SLC35F4: variants seen among roughly 807,000 people sequenced by gnomAD.
The protein encoded by SLC35F4 is chromosome 14 open reading frame 36.
A neutral mutation model predicts 44.2 loss-of-function variants in SLC35F4; 24 were observed. That is an observed-to-expected ratio of 0.54 (90% CI 0.39 to 0.76). The LOEUF is 0.76. Ranked by LOEUF, SLC35F4 falls within the 30% of genes least tolerant of loss-of-function variation. SLC35F4 has a pLI of 0.00. For missense variants in SLC35F4, 562 were observed against 586.1 expected (o/e 0.96, Z 0.42); for synonymous variants, 238 against 223.6 (o/e 1.06, Z -0.57).
intron 1 of SLC35F4, among the ~76,000 whole-genome samples, chr14:57,884,283 T>G (rs540193494): frequency 6.6e-6 from 1 of 152,330 alleles, no homozygotes; most frequent in South Asian, 2.1e-4. Flanking sequence ...TTTCGTCATA[T>G]AAGTAATCAC....
intron 1 of SLC35F4, among the ~76,000 whole-genome samples, chr14:57,689,507 T>G (rs2140327279): frequency 6.6e-6 from 1 of 152,180 alleles, no homozygotes; most frequent in East Asian, 1.9e-4. Flanking sequence ...CCGGTCTCAC[T>G]GTCCACCACC....
intron 1 of SLC35F4, among the ~76,000 whole-genome samples, chr14:57,895,037 G>A (rs1595273939): frequency 6.6e-6 from 1 of 152,168 alleles, no homozygotes; most frequent in Admixed American, 6.5e-5. Context: ...TTTGGGCAGT[G>A]TGCTGAACAT....
chr14:57,831,572 GTTTCA>G (rs1226058089), intron 1 of SLC35F4, among the ~76,000 whole-genome samples: 2 of 152,114 alleles, frequency 1.3e-5, no homozygotes, highest in Non-Finnish European at 2.9e-5. Flanking sequence ...AGCAATCTAT[GTTTCA>G]CAAACTGCCA....
intron 1 of SLC35F4, among the ~76,000 whole-genome samples, chr14:57,635,973 A>T (rs527468390): frequency 6.6e-6 from 1 of 152,280 alleles, no homozygotes; most frequent in East Asian, 1.9e-4. Context: ...ACACCAGGTG[A>T]AAGTTAAAAC....
chr14:57,892,627 T>C (rs144766172), intron 1 of SLC35F4, among the ~76,000 whole-genome samples: 1 of 152,252 alleles, frequency 6.6e-6, no homozygotes, highest in East Asian at 1.9e-4. Flanking sequence ...AATCAATCTC[T>C]CAAGTGATAA....
At chr14:57,791,473 G>A (rs773517816) in intron 1 of SLC35F4, among the ~76,000 whole-genome samples, 12 of 152,122 alleles carry the variant, frequency 7.9e-5, no homozygotes, top group Non-Finnish European at 1.5e-4. Context: ...TAAAAAGTCA[G>A]GAAACAACAG....
At chr14:57,839,137 C>T (rs868795252) in intron 1 of SLC35F4, among the ~76,000 whole-genome samples, 1 of 152,062 alleles carries the variant, frequency 6.6e-6, no homozygotes, top group African/African-American at 2.4e-5. Flanking sequence ...ATCTAGTATC[C>T]ACAGAGTAGG....
chr14:57,914,727 C>T (rs1221388186), intron 1 of SLC35F4, among the ~76,000 whole-genome samples: 1 of 152,218 alleles, frequency 6.6e-6, no homozygotes, highest in Admixed American at 6.5e-5. Flanking sequence ...AATCTCCTTT[C>T]ACTCCATGTC....
intron 1 of SLC35F4, among the ~76,000 whole-genome samples, chr14:57,890,389 A>T (rs1321388896): frequency 1.3e-5 from 2 of 152,210 alleles, no homozygotes; most frequent in Non-Finnish European, 1.5e-5. Flanking sequence ...TTTATACAAC[A>T]TAGTTTTTAC....
Position 57,865,879 on chromosome 14 carries a change from G to C in SLC35F4, c.-54C>G. On this transcript the variant is annotated 5_prime_UTR_variant, in exon 1 of 8. Transcript: ENST00000556826. ...CGGCGGGGCGGAGAGCGCAGCGCGG[G>C]GCCCGGGAGCTGGTGCAGGTGCCGG... 7.5e-7 allele frequency: 1 copy of C among 1,335,792 alleles called. No homozygotes were observed. The allele number at this position is 1,335,792 out of a possible 1,614,324, so 82.7% of individuals were successfully genotyped here.
intron 1 of SLC35F4, among the ~76,000 whole-genome samples, chr14:57,756,391 A>G (rs1321453549): frequency 6.6e-6 from 1 of 152,128 alleles, no homozygotes; most frequent in African/African-American, 2.4e-5. Context: ...ACGTTTTTGT[A>G]TCTGAATATT....
chr14:57,777,832 C>T (rs940344914), intron 1 of SLC35F4, among the ~76,000 whole-genome samples: 5 of 150,726 alleles, frequency 3.3e-5, no homozygotes, highest in African/African-American at 1.2e-4. Flanking sequence ...AAAGGCAAGA[C>T]CCAATGGTAT....
At chr14:57,771,782 C>T (rs191102087) in intron 1 of SLC35F4, among the ~76,000 whole-genome samples, 2 of 152,192 alleles carry the variant, frequency 1.3e-5, no homozygotes, top group Admixed American at 1.3e-4. Context: ...TTTGGAGAAA[C>T]AGGATCTTTC....
intron 1 of SLC35F4, among the ~76,000 whole-genome samples, chr14:57,716,428 A>G (rs1036447923): frequency 6.6e-6 from 1 of 152,232 alleles, no homozygotes; most frequent in African/African-American, 2.4e-5. Flanking sequence ...GAATATAAAT[A>G]ACTCCCACAT....
chr14:57,769,667 C>G (rs1211682475), intron 1 of SLC35F4, among the ~76,000 whole-genome samples: 2 of 152,170 alleles, frequency 1.3e-5, no homozygotes, highest in Non-Finnish European at 1.5e-5. Flanking sequence ...AAAACTTAGT[C>G]AGTGCTAGAA....
chr14:57,962,001 T>C lies in SLC35F4; in HGVS notation n.282+19912A>G, dbSNP rs1890348380. ...CAGGGTACATGCCCAGTAAATATTT[T>C]TGAAGGAATAACTAAATAAGGGGAT... On this transcript the variant is annotated intron_variant and non_coding_transcript_variant, in intron 1 of 1. Transcript: ENST00000556568. 2.6e-5 allele frequency among the ~76,000 whole-genome samples: 4 copies of C among 152,194 alleles called. No homozygotes were observed. In the South Asian group the frequency reaches 8.3e-4, roughly 31 times the overall value.
intron 1 of SLC35F4, among the ~76,000 whole-genome samples, chr14:57,698,659 A>G (rs2075449916): frequency 1.4e-5 from 2 of 147,930 alleles, no homozygotes; most frequent in African/African-American, 2.5e-5. Context: ...TTTTTTTTCA[A>G]TGGAGTCTTG....
chr14:57,635,245 CAA>C (rs201670634), intron 1 of SLC35F4, among the ~76,000 whole-genome samples: 3,077 of 116,018 alleles, frequency 0.027, 45 homozygotes, highest in South Asian at 0.091. Flanking sequence ...GACTCTTACT[CAA>C]AAAAAAAAAA....
At chr14:57,954,046 A>G (rs1210551234) in intron 1 of SLC35F4, among the ~76,000 whole-genome samples, 1 of 152,238 alleles carries the variant, frequency 6.6e-6, no homozygotes, top group South Asian at 2.1e-4. Context: ...TCCTCAGCAA[A>G]TGCAAAGGAA....
Sources: gnomAD v4.1 joint callset for allele counts (sites outside exome capture counted in the v4.1 genomes callset) on GRCh38, gnomAD v4.1.1 for gene constraint, MANE v1.5 for transcripts, NCBI Gene and HGNC (gene_info 2026-07-23, HGNC 2026-07-21) for gene names.